The following SYT1 variants were observed in gnomAD, a reference collection of about 807,000 sequenced individuals.
SYT1 encodes synaptotagmin-1.
In SYT1, 8 loss-of-function variants were observed where a neutral mutation model predicts 44.8. The observed-to-expected ratio is 0.18, with a 90% CI of 0.10 to 0.32. The LOEUF is 0.32. SYT1 is among the 10% of genes least tolerant of loss of function. SYT1 has a pLI of 1.00. For missense variants in SYT1, 286 were observed against 509.3 expected (o/e 0.56, Z 4.22); for synonymous variants, 154 against 188.8 (o/e 0.82, Z 1.51).
At chr12:79,263,854 T>C (rs1313041272) in intron 4 of SYT1, among the ~76,000 whole-genome samples, 4 of 151,738 alleles carry the variant, frequency 2.6e-5, no homozygotes, top group Non-Finnish European at 4.4e-5. Flanking sequence ...TCTTAAGCTT[T>C]TTTTTTTTTA....
chr12:79,037,495 C>G (rs1373620154), intron 2 of SYT1, among the ~76,000 whole-genome samples: 2 of 151,734 alleles, frequency 1.3e-5, no homozygotes, highest in Non-Finnish European at 2.9e-5. Context: ...ATGAGTAGTT[C>G]TTTCATCCCT....
intron 3 of SYT1, among the ~76,000 whole-genome samples, chr12:79,144,814 C>A (rs138429429): frequency 6.6e-6 from 1 of 152,210 alleles, no homozygotes; most frequent in Non-Finnish European, 1.5e-5. Context: ...AATCCATCTG[C>A]ACTGTCAAAA....
At chr12:79,302,960 C>T (rs11836431) in intron 8 of SYT1, among the ~76,000 whole-genome samples, 5,283 of 152,164 alleles carry the variant, frequency 0.035, 151 homozygotes, top group East Asian at 0.13. Context: ...TATATGGCTT[C>T]AAAATCATCC....
At chr12:79,152,052 C>T (rs1350506472) in intron 3 of SYT1, among the ~76,000 whole-genome samples, 1 of 152,030 alleles carries the variant, frequency 6.6e-6, no homozygotes, top group Non-Finnish European at 1.5e-5. Context: ...AGAATGATGT[C>T]ACAGGAGAAG....
intron 2 of SYT1, among the ~76,000 whole-genome samples, chr12:78,989,851 G>T (rs1266196613): frequency 6.6e-6 from 1 of 152,088 alleles, no homozygotes; most frequent in East Asian, 1.9e-4. Flanking sequence ...TTCTCTTACA[G>T]ATTTTATTTA....
At chr12:78,901,171 A>ATGTGTCATGAAATTTTTCATGAAG (rs1592538763) in intron 1 of SYT1, among the ~76,000 whole-genome samples, 2 of 152,190 alleles carry the variant, frequency 1.3e-5, no homozygotes, top group South Asian at 2.1e-4. Flanking sequence ...TAATGATTTA[A>ATGTGTCATGAAATTTTTCATGAAG]TGTGTCATGA....
chr12:78,920,468 G>A lies in SYT1; in HGVS notation c.-217+55359G>A, dbSNP rs1784914936. Reference sequence around the variant, plus strand: ...ATTGGAATGGCTTTAACACATTGAAGTTGGTCTAGTAAAAATTCAAGAAGC... The same window carrying A: ...ATTGGAATGGCTTTAACACATTGAAATTGGTCTAGTAAAAATTCAAGAAGC... On this transcript the variant is annotated intron_variant, in intron 1 of 10. Transcript: ENST00000261205. Among the ~76,000 whole-genome samples the A allele has an allele frequency of 2.0e-5, 3 of 152,098 alleles. No individual in the cohort carries two copies. In the South Asian group the frequency reaches 6.2e-4, roughly 31 times the overall value.
At chr12:79,338,715 C>A (rs562200780) in intron 8 of SYT1, among the ~76,000 whole-genome samples, 1 of 143,418 alleles carries the variant, frequency 7.0e-6, no homozygotes, top group African/African-American at 2.5e-5. Context: ...TACATGTGCA[C>A]AATGTGCAGG....
intron 3 of SYT1, among the ~76,000 whole-genome samples, chr12:79,146,152 T>A (rs1869898190): frequency 6.6e-6 from 1 of 152,146 alleles, no homozygotes; most frequent in African/African-American, 2.4e-5. Context: ...TCAAGGAGTT[T>A]TTAATCATGA....
chr12:79,169,665 C>T (rs541899832), intron 3 of SYT1, among the ~76,000 whole-genome samples: 38 of 151,916 alleles, frequency 2.5e-4, no homozygotes, highest in Middle Eastern at 3.4e-3. Flanking sequence ...TTGCCATATG[C>T]GCTTCTGAGA....
At chr12:79,076,714 G>T (rs1876679899) in intron 3 of SYT1, among the ~76,000 whole-genome samples, 1 of 152,130 alleles carries the variant, frequency 6.6e-6, no homozygotes, top group South Asian at 2.1e-4. Context: ...GCCGAGGCAG[G>T]CAGGGATCAC....
intron 2 of SYT1, among the ~76,000 whole-genome samples, chr12:79,035,310 T>C (rs1396682549): frequency 6.6e-6 from 1 of 151,660 alleles, no homozygotes; most frequent in Non-Finnish European, 1.5e-5. Context: ...TCCCCAAAAG[T>C]TGGGAAAGCT....
At chr12:79,055,080 T>C (rs887404379) in intron 3 of SYT1, among the ~76,000 whole-genome samples, 5 of 152,016 alleles carry the variant, frequency 3.3e-5, no homozygotes, top group African/African-American at 7.2e-5. Flanking sequence ...CTATGGGATG[T>C]AGGACAATTT....
At chr12:78,945,669 A>G (rs115473771) in intron 1 of SYT1, among the ~76,000 whole-genome samples, 25 of 152,258 alleles carry the variant, frequency 1.6e-4, no homozygotes, top group African/African-American at 6.0e-4. Context: ...AATTAGGGTT[A>G]TGCTTCTTTA....
At chr12:79,248,165 T>C (rs1201657785) in intron 4 of SYT1, among the ~76,000 whole-genome samples, 2 of 152,176 alleles carry the variant, frequency 1.3e-5, no homozygotes, top group South Asian at 2.1e-4. Flanking sequence ...ATGAGATTTC[T>C]GAAAAAAATA....
At chr12:79,380,586 C>G (rs2136071240) in intron 9 of SYT1, among the ~76,000 whole-genome samples, 1 of 152,264 alleles carries the variant, frequency 6.6e-6, no homozygotes, top group South Asian at 2.1e-4. Flanking sequence ...GGGGGTCTCA[C>G]TATATTGCCC....
chr12:78,876,772 T>TTATATG (rs1874122172), intron 1 of SYT1, among the ~76,000 whole-genome samples: 2 of 81,866 alleles, frequency 2.4e-5, no homozygotes, highest in African/African-American at 1.4e-4. Flanking sequence ...ATATTATATA[T>TTATATG]TTATATATTA....
intron 3 of SYT1, among the ~76,000 whole-genome samples, chr12:79,080,173 A>G (rs953658885): frequency 1.3e-5 from 2 of 152,128 alleles, no homozygotes; most frequent in Non-Finnish European, 1.5e-5. Flanking sequence ...TATTGGTCCT[A>G]TAGGAAAACA....
At chr12:79,377,386 C>T (rs1014257213) in intron 9 of SYT1, among the ~76,000 whole-genome samples, 18 of 152,178 alleles carry the variant, frequency 1.2e-4, no homozygotes, top group East Asian at 3.8e-4. Context: ...TCTAGGATTA[C>T]GGTAACATGT....
Sources: gnomAD v4.1 joint callset for allele counts (sites outside exome capture counted in the v4.1 genomes callset) on GRCh38, gnomAD v4.1.1 for gene constraint, MANE v1.5 for transcripts, NCBI Gene and HGNC (gene_info 2026-07-23, HGNC 2026-07-21) for gene names.